The following DYNC2H1 variants were observed in gnomAD, a reference collection of about 807,000 sequenced individuals.
DYNC2H1 encodes the protein cytoplasmic dynein 2 heavy chain 1.
A neutral mutation model predicts 570.0 loss-of-function variants in DYNC2H1; 410 were observed. That is an observed-to-expected ratio of 0.72 (90% confidence interval 0.66 to 0.78). The LOEUF is 0.78. Among genes scored for constraint, DYNC2H1 ranks in the 30% least tolerant of loss-of-function variants. The pLI, the probability that DYNC2H1 is intolerant of heterozygous loss-of-function variation, is 0.00. For synonymous variants in DYNC2H1, 1,688 were observed against 1,677.6 expected (o/e 1.01, Z -0.15); for missense variants, 4,865 against 5,046.4 (o/e 0.96, Z 1.09).
Position 103,325,431 on chromosome 11 carries a change from T to TA in DYNC2H1, c.12039+1442dup, listed in dbSNP as rs1434661462. 2.6e-5 allele frequency among the ~76,000 whole-genome samples: 4 copies of TA among 152,240 alleles called. No homozygotes were observed. Among genetic ancestry groups the TA allele is most frequent in the Non-Finnish European group, 5.9e-5 (4 of 68,048 alleles). On this transcript the variant is annotated intron_variant, in intron 82 of 88. Transcript: ENST00000375735. This position sits in a 1 kb window ranked among gnomAD's most constrained non-coding sequence, Gnocchi z 4.8. ...CTAGTTTCCATCTTCTTCACATGGC[T>TA]AGGTAGTTAACCCAGTACCATTTAT... is the stretch of plus-strand genomic sequence containing the variant.
intron 18 of DYNC2H1, among the ~76,000 whole-genome samples, chr11:103,143,920 A>C (rs1860099550): frequency 6.6e-6 from 1 of 152,230 alleles, no homozygotes; most frequent in Non-Finnish European, 1.5e-5. Context: ...CTTAGTAATA[A>C]GTTCCATGAA....
At chr11:103,294,806 C>T (rs766426786) in intron 75 of DYNC2H1, among the ~76,000 whole-genome samples, 1 of 152,142 alleles carries the variant, frequency 6.6e-6, no homozygotes, top group Non-Finnish European at 1.5e-5. Context: ...CAGCAGGTTG[C>T]CTTCTGGCCC....
rs1416444641 is a variant in DYNC2H1 at position 103,170,096 on chromosome 11, G to A, written c.4969-12G>A. ...AACATGAATACTCTGACTTTGTGTTGTTCTTGTATAGGGTAATGCTTCCAA... is the reference window on the plus strand; with the variant it reads ...AACATGAATACTCTGACTTTGTGTTATTCTTGTATAGGGTAATGCTTCCAA... On this transcript the variant is annotated splice_polypyrimidine_tract_variant and intron_variant, in intron 32 of 88. Coordinates refer to ENST00000375735, the MANE Select transcript of DYNC2H1 (RefSeq NM_001377.3). The surrounding 1 kb of genome is among the most constrained non-coding windows in gnomAD (Gnocchi z 4.8). 1.0e-5 allele frequency: 16 copies of A among 1,596,564 alleles called. No individual in the cohort carries two copies. Among genetic ancestry groups the A allele is most frequent in the Admixed American group, 8.7e-5 (5 of 57,594 alleles).
chr11:103,221,526 C>G (rs1201594111), intron 57 of DYNC2H1, among the ~76,000 whole-genome samples: 5 of 152,140 alleles, frequency 3.3e-5, no homozygotes. Context: ...AGTTTATTCA[C>G]AGAACATTAG....
chr11:103,188,063 A>C (rs1862145497), intron 43 of DYNC2H1, among the ~76,000 whole-genome samples: 1 of 152,082 alleles, frequency 6.6e-6, no homozygotes, highest in African/African-American at 2.4e-5. Flanking sequence ...TATGTTATTT[A>C]CATCACATTA....
In DYNC2H1 at chr11:103,125,272, A is replaced by G; in HGVS notation, c.1834A>G (p.Lys612Glu). The G allele has an allele frequency of 6.2e-7, 1 of 1,608,276 alleles. No homozygotes were observed. The stretch of plus-strand genomic sequence containing the variant: ...TGCAAACATTGCACAGAAATTCTGC[A>G]AGCAAGCAATTATTCTTAAACAAGT... ...QVANIAQKFC[K>E]QAIILKQVAH... The change falls in exon 12 of 89, where the codon AAG becomes GAG. Residue 612 changes from lysine to glutamate, a missense_variant. Around this residue, in one of 5 missense-constraint regions of DYNC2H1, gnomAD observed 1,936 missense variants for 1,962.1 expected, o/e 0.99. Coordinates refer to ENST00000375735, the MANE Select transcript of DYNC2H1 (RefSeq NM_001377.3).
intron 28 of DYNC2H1, among the ~76,000 whole-genome samples, chr11:103,160,281 G>A (rs918070559): frequency 6.6e-6 from 1 of 151,882 alleles, no homozygotes; most frequent in Non-Finnish European, 1.5e-5. Flanking sequence ...TGCAAATTTG[G>A]GGGAAAGGGA....
intron 83 of DYNC2H1, among the ~76,000 whole-genome samples, chr11:103,393,930 C>G (rs980437693): frequency 1.3e-5 from 2 of 152,138 alleles, no homozygotes; most frequent in African/African-American, 4.8e-5. Flanking sequence ...TTCACTATCA[C>G]GAGTACAGCA....
At chr11:103,152,449 T>A (rs1194747445) in intron 21 of DYNC2H1, among the ~76,000 whole-genome samples, 164 bp downstream of exon 21, 2 of 152,190 alleles carry the variant, frequency 1.3e-5, no homozygotes, top group Non-Finnish European at 2.9e-5. Context: ...ATGATGATTG[T>A]TTCACATGGT....
intron 75 of DYNC2H1, among the ~76,000 whole-genome samples, chr11:103,301,090 A>G (rs2135391223): frequency 6.6e-6 from 1 of 152,040 alleles, no homozygotes; most frequent in South Asian, 2.1e-4. Context: ...TTATGCACAT[A>G]GAAGTGTATA....
chr11:103,374,105 T>C (rs1349927163), intron 83 of DYNC2H1, among the ~76,000 whole-genome samples: 1 of 152,208 alleles, frequency 6.6e-6, no homozygotes, highest in African/African-American at 2.4e-5. Context: ...GGGTCTTGTT[T>C]ATCGATTCAG....
At chr11:103,371,927 G>GTTTTTT (rs60335910) in intron 83 of DYNC2H1, among the ~76,000 whole-genome samples, 205 of 67,892 alleles carry the variant, frequency 3.0e-3, no homozygotes, top group South Asian at 3.3e-3. Context: ...TCCCATTTGG[G>GTTTTTT]TTTTTTTTTT....
rs1436073787 is a variant in DYNC2H1, at chr11:103,326,663, A to G, written c.12039+2673A>G. The stretch of plus-strand genomic sequence containing the variant: ...GGAAAATACTCAGATAGTGCGGAGC[A>G]CTCAGGCAGGGCTGTGGAGGCTGCG... On this transcript the variant is annotated intron_variant, in intron 82 of 88. Coordinates refer to ENST00000375735, the MANE Select transcript of DYNC2H1 (RefSeq NM_001377.3). This position sits in a 1 kb window ranked among gnomAD's most constrained non-coding sequence, Gnocchi z 6.1. 6.6e-6 allele frequency among the ~76,000 whole-genome samples: 1 copy of G among 152,152 alleles called. No homozygotes were observed. Among genetic ancestry groups the G allele is most frequent in the African/African-American group, 2.4e-5 (1 of 41,430 alleles).
intron 73 of DYNC2H1, among the ~76,000 whole-genome samples, chr11:103,285,065 A>G (rs660574): frequency 0.18 from 26,838 of 152,144 alleles, 2,591 homozygotes; most frequent in Admixed American, 0.26. Context: ...ACAAATAGAG[A>G]CATAAACAAA....
intron 31 of DYNC2H1, among the ~76,000 whole-genome samples, 175 bp downstream of exon 31, chr11:103,166,223 A>G (rs1026136777): frequency 1.3e-5 from 2 of 152,202 alleles, no homozygotes; most frequent in African/African-American, 4.8e-5. Flanking sequence ...ACTAATTTAA[A>G]TAGAATATAG....
chr11:103,298,949 A>G (rs1866943966), intron 75 of DYNC2H1, among the ~76,000 whole-genome samples: 1 of 152,134 alleles, frequency 6.6e-6, no homozygotes, highest in South Asian at 2.1e-4. Context: ...ACAAAGCAAG[A>G]CTTATGTGCT....
chr11:103,426,649 A>G lies in DYNC2H1; in HGVS notation c.12367-9294A>G, dbSNP rs1352166142. ...TTTCAACATCCATGCACATAAACACACAAAATCTATGGCTAAACTGATGAT... is the reference window on the plus strand; with the variant it reads ...TTTCAACATCCATGCACATAAACACGCAAAATCTATGGCTAAACTGATGAT... On this transcript the variant is annotated intron_variant, in intron 84 of 88. Coordinates refer to ENST00000375735, the MANE Select transcript of DYNC2H1 (RefSeq NM_001377.3). Among the ~76,000 whole-genome samples the G allele has an allele frequency of 2.0e-5, 3 of 152,212 alleles. No homozygotes were observed. The South Asian group carries it at 6.2e-4, about 32-fold the overall frequency.
chr11:103,457,378 A>C (rs1202897252), intron 87 of DYNC2H1, among the ~76,000 whole-genome samples: 2 of 152,126 alleles, frequency 1.3e-5, no homozygotes, highest in African/African-American at 4.8e-5. Flanking sequence ...TAACCATAGG[A>C]GATGACAGCT....
chr11:103,223,069 A>T lies in DYNC2H1; in HGVS notation c.9336A>T (p.Glu3112Asp). The change falls in exon 59 of 89, where the codon GAA (glutamate) becomes GAT (aspartate). Residue 3112 changes from glutamate (E) to aspartate (D), a missense_variant. By Grantham distance (45) the Glu-to-Asp change is conservative. Around this residue, in one of 5 missense-constraint regions of DYNC2H1, gnomAD observed 2,401 missense variants for 2,454.6 expected, o/e 0.98. Transcript: ENST00000375735. Reference sequence around the variant, plus strand: ...AACGAATTCATCCTTTGGAAACTGAACAGGCAGGATTAGAATCGTAAGTGA... The same window carrying T: ...AACGAATTCATCCTTTGGAAACTGATCAGGCAGGATTAGAATCGTAAGTGA... The part of the protein sequence containing the change: ...VLERIHPLET[E>D]QAGLESNLKK... 6.2e-7 allele frequency: 1 copy of T among 1,612,398 alleles called. No individual in the cohort carries two copies. Among genetic ancestry groups the T allele is most frequent in the East Asian group, 2.2e-5 (1 of 44,722 alleles).
Sources: allele counts gnomAD v4.1 joint callset (sites outside exome capture counted in the v4.1 genomes callset), GRCh38; gene constraint gnomAD v4.1.1; regional missense constraint gnomAD v4.1.1; non-coding constraint Gnocchi (gnomAD v3.1); transcripts MANE v1.5; gene names NCBI Gene and HGNC (gene_info 2026-07-23, HGNC 2026-07-21).